MCF2: variants seen among roughly 807,000 people sequenced by gnomAD.
MCF2 encodes proto-oncogene DBL.
A neutral mutation model predicts 82.5 loss-of-function variants in MCF2; 44 were observed. That is an observed-to-expected ratio of 0.53 (90% CI 0.42 to 0.69). MCF2 has a LOEUF of 0.69. Among genes scored for constraint, MCF2 ranks in the 30% least tolerant of loss-of-function variants. MCF2 has a pLI of 0.00. For missense variants in MCF2, 623 were observed against 663.1 expected (o/e 0.94, Z 0.66); for synonymous variants, 217 against 224.9 (o/e 0.96, Z 0.32).
At chrX:139,692,350 G>C (rs1935291929) in intron 1 of MCF2, among the ~76,000 whole-genome samples, 1 of 110,995 alleles carries the variant, frequency 9.0e-6, no homozygotes, top group African/African-American at 3.3e-5. Context: ...CCCTAGTAGG[G>C]ACAGAGGCGC....
chrX:139,678,706 A>G lies in MCF2; in HGVS notation c.-44-26918T>C, dbSNP rs148023564. 3.2e-3 allele frequency among the ~76,000 whole-genome samples: 356 copies of G among 112,445 alleles called. 2 individuals are homozygous for G. Among genetic ancestry groups the G allele is most frequent in the African/African-American group, 0.011 (347 of 31,061 alleles). The stretch of plus-strand genomic sequence containing the variant: ...ACAGAAGAGGAAATAAGAATGGCCA[A>G]TGAACACTTGAAAAGATGCTCCACT... On this transcript the variant is annotated intron_variant, in intron 1 of 27. Transcript: ENST00000414978.
intron 16 of MCF2, among the ~76,000 whole-genome samples, chrX:139,600,482 T>C (rs1930459076): frequency 9.0e-6 from 1 of 111,039 alleles, no homozygotes; most frequent in African/African-American, 3.3e-5. Flanking sequence ...GATACAAGGT[T>C]CAACTTAGGG....
chrX:139,604,215 T>C (rs1313746185), intron 15 of MCF2, among the ~76,000 whole-genome samples: 1 of 111,286 alleles, frequency 9.0e-6, no homozygotes, highest in Non-Finnish European at 1.9e-5. Context: ...GTGAAGTTCC[T>C]GTGATAGATG....
At chrX:139,629,895 T>A in intron 3 of MCF2, 51 bp from the exon 7 acceptor site, 1 of 1,052,053 alleles carries the variant, frequency 9.5e-7, no homozygotes, top group Non-Finnish European at 1.3e-6. Context: ...TGTGAGCATA[T>A]CAAAAACTGG....
chrX:139,694,638 A>T (rs1331104898), intron 1 of MCF2, among the ~76,000 whole-genome samples: 6 of 111,862 alleles, frequency 5.4e-5, no homozygotes, highest in African/African-American at 1.9e-4. Flanking sequence ...ACCTTAAAAT[A>T]TACATACCCT....
intron 1 of MCF2, among the ~76,000 whole-genome samples, chrX:139,661,539 AAGG>A (rs1360370012): frequency 8.9e-6 from 1 of 111,777 alleles, no homozygotes; most frequent in Non-Finnish European, 1.9e-5. Context: ...AATGTGTGGG[AAGG>A]AGAAGGAGAA....
intron 1 of MCF2, among the ~76,000 whole-genome samples, chrX:139,660,686 A>G (rs1201611527): frequency 8.9e-6 from 1 of 112,697 alleles, no homozygotes; most frequent in African/African-American, 3.2e-5. Flanking sequence ...CAGTAAAACA[A>G]TCTATGCAGT....
chrX:139,690,727 T>C (rs1935242819), intron 1 of MCF2, among the ~76,000 whole-genome samples: 1 of 111,801 alleles, frequency 8.9e-6, no homozygotes, highest in African/African-American at 3.3e-5. Flanking sequence ...TGTGGCTATC[T>C]GATTTGTGGG....
chrX:139,654,358 T>C (rs1170053391), intron 1 of MCF2, among the ~76,000 whole-genome samples: 2 of 111,793 alleles, frequency 1.8e-5, no homozygotes, highest in Admixed American at 9.5e-5. Context: ...AGATATGTCA[T>C]TGTAGTTTTG....
chrX:139,699,311 T>C (rs1935440220), intron 1 of MCF2, among the ~76,000 whole-genome samples: 1 of 112,255 alleles, frequency 8.9e-6, no homozygotes, highest in South Asian at 3.7e-4. Flanking sequence ...AGGATTCCAG[T>C]ATTCCAGAGT....
chrX:139,696,574 C>A (rs1935389231), intron 1 of MCF2, among the ~76,000 whole-genome samples: 1 of 111,039 alleles, frequency 9.0e-6, no homozygotes, highest in African/African-American at 3.3e-5. Context: ...CAGTTGCATG[C>A]CACCATGCCT....
At chrX:139,619,961 T>A in intron 6 of MCF2, among the ~76,000 whole-genome samples, 1 of 107,544 alleles carries the variant, frequency 9.3e-6, no homozygotes, top group Non-Finnish European at 1.9e-5. Context: ...TTTGCATAAA[T>A]GTATACGTGT....
intron 1 of MCF2, among the ~76,000 whole-genome samples, chrX:139,670,199 C>A (rs1262477516): frequency 9.0e-6 from 1 of 110,729 alleles, no homozygotes; most frequent in Non-Finnish European, 1.9e-5. Flanking sequence ...GAAAAAAATA[C>A]CAAAAACATA....
chrX:139,612,070 A>T (rs1931539558), intron 10 of MCF2, among the ~76,000 whole-genome samples: 1 of 110,232 alleles, frequency 9.1e-6, no homozygotes, highest in South Asian at 3.9e-4. Flanking sequence ...AGTGGCAGTA[A>T]GGATAGCAGT....
At chrX:139,698,638 A>G (rs1404296281) in intron 1 of MCF2, among the ~76,000 whole-genome samples, 3 of 112,045 alleles carry the variant, frequency 2.7e-5, no homozygotes, top group African/African-American at 9.7e-5. Context: ...TGAAGATAAA[A>G]GTATAGGTAA....
exon 1 of MCF2, chrX:139,642,703 A>C: frequency 9.2e-7 from 1 of 1,081,730 alleles, no homozygotes; most frequent in Non-Finnish European, 1.2e-6. Context: ...AAAAACCACT[A>C]TCCCTGATTA....
At chrX:139,653,441 G>T (rs1326305609) in intron 1 of MCF2, among the ~76,000 whole-genome samples, 1 of 112,058 alleles carries the variant, frequency 8.9e-6, no homozygotes, top group Admixed American at 9.5e-5. Flanking sequence ...TCAGGTGGCA[G>T]ATCTGGAAGT....
intron 1 of MCF2, chrX:139,692,179 C>A: frequency 1.0e-6 from 1 of 983,278 alleles, no homozygotes; most frequent in Non-Finnish European, 1.4e-6. Flanking sequence ...CCTGCCGCTG[C>A]CATCCTCACG....
intron 17 of MCF2, among the ~76,000 whole-genome samples, 166 bp from the exon 22 acceptor site, chrX:139,597,751 C>CA (rs1279249118): frequency 9.0e-6 from 1 of 110,763 alleles, no homozygotes; most frequent in East Asian, 2.8e-4. Flanking sequence ...TAATGGCTGT[C>CA]AAAATAGAGG....
Sources: allele counts gnomAD v4.1 joint callset (sites outside exome capture counted in the v4.1 genomes callset), GRCh38; gene constraint gnomAD v4.1.1; transcripts MANE v1.5; gene names NCBI Gene and HGNC (gene_info 2026-07-23, HGNC 2026-07-21).